The following SMC1B variants were observed in gnomAD, a reference collection of about 807,000 sequenced individuals.
The protein encoded by SMC1B is structural maintenance of chromosomes 1B.
A neutral mutation model predicts 157.9 loss-of-function variants in SMC1B; 60 were observed. The ratio of observed to expected loss-of-function variants is 0.38; its 90% CI spans 0.31 to 0.47. SMC1B has a LOEUF of 0.47. Ranked by LOEUF, SMC1B falls within the 20% of genes least tolerant of loss-of-function variation. The probability of loss-of-function intolerance (pLI) is 0.99; values close to 1 mark genes in which losing one functional copy is unlikely to be tolerated. For synonymous variants in SMC1B, 445 were observed against 483.0 expected (o/e 0.92, Z 1.03); for missense variants, 1,165 against 1,426.2 (o/e 0.82, Z 2.95).
chr22:45,353,261 C>CAAAA (rs11311805), intron 21 of SMC1B, among the ~76,000 whole-genome samples: 1 of 102,580 alleles, frequency 9.7e-6, no homozygotes. Context: ...AACTCTGTCT[C>CAAAA]AAAAAAAAAA....
At chr22:45,362,056 A>G (rs1328362901) in intron 16 of SMC1B, 72 bp from the exon 17 acceptor site, 4 of 1,456,806 alleles carry the variant, frequency 2.7e-6, no homozygotes, top group Non-Finnish European at 3.7e-6. Flanking sequence ...GTTCTTATCA[A>G]TAACACCAAA....
intron 12 of SMC1B, among the ~76,000 whole-genome samples, chr22:45,378,983 T>C (rs1342908443): frequency 6.6e-6 from 1 of 152,170 alleles, no homozygotes; most frequent in Admixed American, 6.5e-5. Context: ...TTCAGGTTTT[T>C]TTCTTTTTTC....
In SMC1B at chr22:45,361,983, G is replaced by T; in HGVS notation, c.2564C>A (p.Ala855Asp). The T allele has an allele frequency of 6.2e-7, 1 of 1,613,064 alleles. No individual in the cohort carries two copies. The change falls in exon 17 of 25, where the codon GCT (alanine) becomes GAT (aspartate). Residue 855 changes from alanine to aspartate, a missense_variant and splice_region_variant. Transcript: ENST00000357450. ...CACTGTCTGCAGACAGTTTTCTTCAGCCTGAACAGAGAGGATCTGCATTGT... is the reference window on the plus strand; with the variant it reads ...CACTGTCTGCAGACAGTTTTCTTCATCCTGAACAGAGAGGATCTGCATTGT... Reference protein sequence around the residue: ...GSEDIDHLKKAEENCLQTVNE... With the variant: ...GSEDIDHLKKDEENCLQTVNE...
In SMC1B at chr22:45,364,009, C is replaced by T. The variant is rs112188675; in HGVS notation, c.2421-983G>A. 5.4e-3 allele frequency among the ~76,000 whole-genome samples: 815 copies of T among 152,012 alleles called. 13 individuals are homozygous for T. Among genetic ancestry groups the T allele is most frequent in the African/African-American group, 0.019 (774 of 41,468 alleles). Reference sequence around the variant, plus strand: ...GATTACAGGTGTGTGCTACCATGCCCGGCTAATTTTTGTATTTTTAATAGA... The same window carrying T: ...GATTACAGGTGTGTGCTACCATGCCTGGCTAATTTTTGTATTTTTAATAGA... On this transcript the variant is annotated intron_variant, in intron 15 of 24. Coordinates refer to ENST00000357450, the MANE Select transcript of SMC1B (RefSeq NM_148674.5).
At chr22:45,373,870 T>G (rs2086857970) in intron 12 of SMC1B, among the ~76,000 whole-genome samples, 1 of 152,176 alleles carries the variant, frequency 6.6e-6, no homozygotes, top group African/African-American at 2.4e-5. Context: ...AAACTCATAA[T>G]TTGGAATCTA....
At chr22:45,371,634 TA>T in intron 13 of SMC1B, 47 bp from the exon 14 acceptor site, 1 of 1,547,126 alleles carries the variant, frequency 6.5e-7, no homozygotes, top group Non-Finnish European at 8.7e-7. Context: ...GTTTTAGCTT[TA>T]TATAGTGAAG....
At chr22:45,367,325 T>C (rs2086786126) in intron 15 of SMC1B, among the ~76,000 whole-genome samples, 1 of 152,244 alleles carries the variant, frequency 6.6e-6, no homozygotes, top group South Asian at 2.1e-4. Context: ...TGCCTGCTTT[T>C]TGGCACCAGG....
chr22:45,352,901 A>C (rs2086628535), intron 21 of SMC1B, among the ~76,000 whole-genome samples: 1 of 152,152 alleles, frequency 6.6e-6, no homozygotes. Flanking sequence ...CATGCAGTTC[A>C]CTCACTGATA....
intron 15 of SMC1B, among the ~76,000 whole-genome samples, chr22:45,364,840 T>C (rs946151684): frequency 1.9e-3 from 112 of 57,750 alleles, no homozygotes; most frequent in African/African-American, 3.7e-3. Context: ...TTTTTTTTTT[T>C]TTTTTTTTTT....
At chr22:45,348,871 T>C (rs2086579219) in intron 23 of SMC1B, among the ~76,000 whole-genome samples, 1 of 151,960 alleles carries the variant, frequency 6.6e-6, no homozygotes, top group Non-Finnish European at 1.5e-5. Flanking sequence ...GATAATTATT[T>C]TTTTAAATTT....
At position 45,383,556 on chromosome 22, in the gene SMC1B, T is replaced by C. The variant is rs745453302; in HGVS notation, c.1969A>G (p.Ser657Gly). 5 of 1,610,542 alleles carry C rather than the reference T, an allele frequency of 3.1e-6. No homozygotes were observed. The highest frequency in any genetic ancestry group is 1.3e-5 in the African/African-American group (1 of 74,698). ...CATCTAGCCTTGTATTTTAAGTCAC[T>C]TGACCCTCCAGAGATCACTCCAGAT... ...LKSGVISGGS[S>G]DLKYKARCWD... The change falls in exon 12 of 25, where the codon AGT becomes GGT. Residue 657 changes from serine to glycine, a missense_variant. By Grantham distance (56) the Ser-to-Gly change is moderately conservative. Coordinates refer to ENST00000357450, the MANE Select transcript of SMC1B (RefSeq NM_148674.5).
chr22:45,358,574 C>T, intron 19 of SMC1B, 123 bp downstream of exon 19: 1 of 609,210 alleles, frequency 1.6e-6, no homozygotes, highest in South Asian at 2.3e-5. Context: ...TATATTTCTT[C>T]CAAAACCATT....
Position 45,387,009 on chromosome 22 carries a change from C to A in SMC1B, c.1769G>T (p.Gly590Val). ...PINERLRELK[G>V]CKMVIDVIKT... ...TATGACATCAATCACCATTTTACAG[C>A]CTTTAAGCTCCCTTAGTCTTTCATT... Residue 590 changes from glycine to valine, a missense_variant, in exon 11 of 25, where the codon GGC becomes GTC. Gly to Val is a moderately radical substitution (Grantham distance 109). Coordinates refer to ENST00000357450, the MANE Select transcript of SMC1B (RefSeq NM_148674.5). The A allele has an allele frequency of 6.2e-7, 1 of 1,613,852 alleles. No homozygotes were observed. The highest frequency in any genetic ancestry group is 1.6e-4 in the Middle Eastern group (1 of 6,062).
intron 12 of SMC1B, among the ~76,000 whole-genome samples, chr22:45,377,261 A>C (rs1378265701): frequency 6.6e-6 from 1 of 151,986 alleles, no homozygotes; most frequent in Non-Finnish European, 1.5e-5. Context: ...TGCAGAGTTT[A>C]TCTAGTCTTT....
In SMC1B at chr22:45,369,944, A is replaced by C. The variant is rs2086815078; in HGVS notation, c.2420+10T>G. 6.8e-6 allele frequency: 10 copies of C among 1,464,516 alleles called. No individual in the cohort carries two copies. Among genetic ancestry groups the C allele is most frequent in the Non-Finnish European group, 9.4e-6 (10 of 1,060,240 alleles). The allele number at this position is 1,464,516 out of a possible 1,614,324, so 90.7% of individuals were successfully genotyped here. On this transcript the variant is annotated intron_variant, in intron 15 of 24. Transcript: ENST00000357450. ...GTAAGCTCCTTACCAACATCTTTTT[A>C]TAAAAATACCTTTTTTGATCAATTT...
intron 12 of SMC1B, among the ~76,000 whole-genome samples, chr22:45,380,452 A>C (rs1421903791): frequency 6.6e-6 from 1 of 152,112 alleles, no homozygotes; most frequent in Non-Finnish European, 1.5e-5. Context: ...TATTAGTCTC[A>C]CATCAAGTTT....
Position 45,413,487 on chromosome 22 carries a change from G to T in SMC1B, c.81C>A (p.Phe27Leu), listed in dbSNP as rs760434349. Residue 27 changes from phenylalanine (F) to leucine (L), a missense_variant, in exon 1 of 25, where the codon TTC (phenylalanine) becomes TTA (leucine). Physicochemically the swap from Phe to Leu is conservative, Grantham distance 22. Coordinates refer to ENST00000357450, the MANE Select transcript of SMC1B (RefSeq NM_148674.5). The stretch of plus-strand genomic sequence containing the variant: ...AGCCGTTGGGGCCGATGATGCAGGT[G>T]AACCTCCGGAAGGGGCCAATGACCT... The part of the protein sequence containing the change: ...GRQVIGPFRR[F>L]TCIIGPNGSG... 6.2e-7 allele frequency: 1 copy of T among 1,610,244 alleles called. No individual in the cohort carries two copies. Among genetic ancestry groups the T allele is most frequent in the South Asian group, 1.1e-5 (1 of 90,372 alleles).
chr22:45,371,149 G>C (rs931794751), intron 14 of SMC1B, among the ~76,000 whole-genome samples: 1 of 152,154 alleles, frequency 6.6e-6, no homozygotes, highest in Non-Finnish European at 1.5e-5. Flanking sequence ...TAAAAGATAA[G>C]CTGAATGACA....
intron 15 of SMC1B, among the ~76,000 whole-genome samples, chr22:45,368,059 A>AT (rs1569181302): frequency 6.6e-6 from 1 of 152,240 alleles, no homozygotes; most frequent in East Asian, 1.9e-4. Context: ...ATAATATTAG[A>AT]TAATAGTGAT....
Sources: allele counts gnomAD v4.1 joint callset (sites outside exome capture counted in the v4.1 genomes callset), GRCh38; gene constraint gnomAD v4.1.1; transcripts MANE v1.5; gene names NCBI Gene and HGNC (gene_info 2026-07-23, HGNC 2026-07-21).